MED13: variants seen among roughly 807,000 people sequenced by gnomAD.
MED13 encodes mediator complex subunit 13.
A neutral mutation model predicts 225.2 loss-of-function variants in MED13; 23 were observed. The observed-to-expected ratio is 0.10, with a 90% CI of 0.07 to 0.14. The LOEUF (loss-of-function observed/expected upper bound fraction) is 0.14. Among genes scored for constraint, MED13 ranks in the 10% least tolerant of loss-of-function variants. The pLI is 1.00. For synonymous variants in MED13, 942 were observed against 889.2 expected (o/e 1.06, Z -1.06); for missense variants, 2,197 against 2,594.5 (o/e 0.85, Z 3.33).
intron 16 of MED13, among the ~76,000 whole-genome samples, chr17:61,977,577 G>A (rs927660205): frequency 6.6e-6 from 1 of 151,450 alleles, no homozygotes. Context: ...TCAGCCTCCC[G>A]AGTAGCTGGG....
chr17:62,057,478 C>T (rs1448586759), intron 2 of MED13, among the ~76,000 whole-genome samples: 1 of 152,140 alleles, frequency 6.6e-6, no homozygotes, highest in Non-Finnish European at 1.5e-5. Flanking sequence ...TTTAAAGAGT[C>T]GGGCCACATC....
In MED13 at chr17:62,010,942, G is replaced by A. The variant is rs754097806; in HGVS notation, c.1575C>T (p.Thr525=). ...DVAKTPQMHG[T]EMANSPQPPP... ...GTGGTTGAGGTGAATTTGCCATTTC[G>A]GTGCCATGCATCTGAGGAGTCTTTG... The change falls in exon 9 of 30, where the codon ACC becomes ACT. Residue 525 remains threonine (T), a synonymous_variant. Coordinates refer to ENST00000397786, the MANE Select transcript of MED13 (RefSeq NM_005121.3). The A allele has an allele frequency of 1.9e-5, 30 of 1,612,442 alleles. No individual in the cohort carries two copies. The highest frequency in any genetic ancestry group is 5.0e-5 in the Admixed American group (3 of 59,972).
chr17:61,954,388 A>G (rs534250457), intron 26 of MED13, among the ~76,000 whole-genome samples: 24 of 152,346 alleles, frequency 1.6e-4, no homozygotes, highest in African/African-American at 4.1e-4. Context: ...GCAAATCAAC[A>G]TAAGAGATAT....
In MED13 at chr17:61,968,168, G is replaced by C. The variant is rs1429062702; in HGVS notation, c.4058C>G (p.Pro1353Arg). Residue 1353 changes from proline to arginine, a missense_variant, in exon 18 of 30, where the codon CCT becomes CGT. Pro to Arg is a moderately radical substitution (Grantham distance 103). Around this residue, in one of 12 missense-constraint regions of MED13, gnomAD observed 47 missense variants for 93.8 expected, o/e 0.50. Coordinates refer to ENST00000397786, the MANE Select transcript of MED13 (RefSeq NM_005121.3). ...DYLVLSPFAL[P>R]YWERLMLEPY... ...TTCCAGCATAAGTCTCTCCCAATAA[G>C]GAAGAGCAAATGGAGAAAGCACCAG... 1 of 1,613,734 alleles carries C rather than the reference G, an allele frequency of 6.2e-7. No homozygotes were observed. The highest frequency in any genetic ancestry group is 8.5e-7 in the Non-Finnish European group (1 of 1,179,892).
intron 8 of MED13, among the ~76,000 whole-genome samples, chr17:62,015,860 AGT>A (rs1226381654): frequency 3.2e-5 from 3 of 93,358 alleles, no homozygotes; most frequent in Admixed American, 2.4e-4. Context: ...ATATGTGTAT[AGT>A]GTGTATGTGT....
At chr17:62,027,445 G>A (rs949928330) in intron 8 of MED13, among the ~76,000 whole-genome samples, 1 of 152,156 alleles carries the variant, frequency 6.6e-6, no homozygotes, top group Admixed American at 6.6e-5. Flanking sequence ...ATGGATTAAA[G>A]ACTGAAATGT....
intron 8 of MED13, among the ~76,000 whole-genome samples, chr17:62,018,950 G>C (rs559055824): frequency 6.6e-6 from 1 of 151,624 alleles, no homozygotes; most frequent in Non-Finnish European, 1.5e-5. Context: ...TTACAAAATC[G>C]AAAGATCCAT....
chr17:62,065,269 C>G lies in MED13; in HGVS notation c.-64G>C. On this transcript the variant is annotated 5_prime_UTR_variant, in exon 1 of 30. Transcript: ENST00000397786. Reference sequence around the variant, plus strand: ...CATCCGCCATTACCGCCGCCTCCGACCAGAGAGAGAAACACAGACACCGGG... The same window carrying G: ...CATCCGCCATTACCGCCGCCTCCGAGCAGAGAGAGAAACACAGACACCGGG... 1 of 1,295,110 alleles carries G rather than the reference C, an allele frequency of 7.7e-7. No individual in the cohort carries two copies. The highest frequency in any genetic ancestry group is 1.1e-6 in the Non-Finnish European group (1 of 940,234). The allele number at this position is 1,295,110 out of a possible 1,614,324, so 80.2% of individuals were successfully genotyped here. A position where few individuals can be genotyped will look rare whatever the true frequency, so the allele number is the denominator to read the frequency against.
intron 3 of MED13, among the ~76,000 whole-genome samples, chr17:62,045,990 A>G (rs1242767977): frequency 1.3e-5 from 2 of 152,076 alleles, no homozygotes; most frequent in Admixed American, 6.5e-5. Flanking sequence ...AAGCAATATT[A>G]TTTTCTCCTT....
chr17:61,973,143 T>C (rs544325129), intron 16 of MED13, among the ~76,000 whole-genome samples: 1 of 152,366 alleles, frequency 6.6e-6, no homozygotes, highest in African/African-American at 2.4e-5. Context: ...ATTCATTAGC[T>C]GATTAATCAA....
At chr17:62,015,950 ATATATTTTTT>A (rs2080572775) in intron 8 of MED13, among the ~76,000 whole-genome samples, 1 of 13,776 alleles carries the variant, frequency 7.3e-5, no homozygotes, top group Non-Finnish European at 1.3e-4. Context: ...ATATATATAT[ATATATTTTTT>A]TTTTTTTTTT....
intron 12 of MED13, among the ~76,000 whole-genome samples, chr17:61,986,772 C>T (rs1567960965): frequency 6.6e-6 from 1 of 151,998 alleles, no homozygotes; most frequent in Admixed American, 6.6e-5. Context: ...ATCATGTGTC[C>T]CCCAAATGTA....
At chr17:62,000,503 A>C (rs2080385408) in intron 9 of MED13, among the ~76,000 whole-genome samples, 1 of 152,220 alleles carries the variant, frequency 6.6e-6, no homozygotes, top group Non-Finnish European at 1.5e-5. Context: ...AAAGATGAAA[A>C]GCCTAAGTAT....
Position 62,031,529 on chromosome 17 carries a change from G to A in MED13, c.924C>T (p.Val308=). ...STHCSSSCLG[V]HQVPASTRDP... ...CTCTTGTGGAAGCAGGCACTTGGTGGACACCCAAGCAAGAAGATGAACAGT... is the reference window on the plus strand; with the variant it reads ...CTCTTGTGGAAGCAGGCACTTGGTGAACACCCAAGCAAGAAGATGAACAGT... Residue 308 remains valine, a synonymous_variant, in exon 6 of 30, where the codon GTC becomes GTT. Transcript: ENST00000397786. The A allele has an allele frequency of 6.2e-7, 1 of 1,613,962 alleles. No homozygotes were observed. The highest frequency in any genetic ancestry group is 8.5e-7 in the Non-Finnish European group (1 of 1,179,960).
chr17:61,961,562 T>G (rs184997170), intron 22 of MED13, 26 bp downstream of exon 22: 12 of 1,492,572 alleles, frequency 8.0e-6, no homozygotes, highest in African/African-American at 1.4e-5. Context: ...GTCATTGAAC[T>G]TCGGTCATGA....
chr17:62,008,317 C>CAAAAAAAAAAAAAAAAAAAAAAAA (rs766909961), intron 9 of MED13, among the ~76,000 whole-genome samples: 1 of 33,208 alleles, frequency 3.0e-5, no homozygotes, highest in Non-Finnish European at 5.8e-5. Context: ...GGCTCTGTCT[C>CAAAAAAAAAAAAAAAAAAAAAAAA]AAAAAAAAAA....
chr17:61,968,798 T>A (rs543901017), intron 17 of MED13, among the ~76,000 whole-genome samples: 29 of 152,268 alleles, frequency 1.9e-4, no homozygotes, highest in Non-Finnish European at 3.5e-4. Context: ...ATTGCCCAGA[T>A]TAGACTGCAG....
intron 3 of MED13, among the ~76,000 whole-genome samples, chr17:62,038,337 G>A (rs1165589337): frequency 1.3e-5 from 2 of 152,180 alleles, no homozygotes; most frequent in East Asian, 3.9e-4. Context: ...GAGAGGTTGA[G>A]GGTGCAGTGA....
At chr17:61,980,313 A>C (rs1289349198) in intron 16 of MED13, among the ~76,000 whole-genome samples, 1 of 152,100 alleles carries the variant, frequency 6.6e-6, no homozygotes, top group African/African-American at 2.4e-5. Flanking sequence ...CCACTTATAA[A>C]TGTCAGCTCC....
Sources: allele counts gnomAD v4.1 joint callset (sites outside exome capture counted in the v4.1 genomes callset), GRCh38; gene constraint gnomAD v4.1.1; regional missense constraint gnomAD v4.1.1; transcripts MANE v1.5; gene names NCBI Gene and HGNC (gene_info 2026-07-23, HGNC 2026-07-21).